The following SHANK1 variants were observed in gnomAD, a reference collection of about 807,000 sequenced individuals.
SHANK1 encodes SH3 and multiple ankyrin repeat domains protein 1.
A neutral mutation model predicts 165.6 loss-of-function variants in SHANK1; 35 were observed. The ratio of observed to expected loss-of-function variants is 0.21; its 90% CI spans 0.16 to 0.28. The LOEUF (loss-of-function observed/expected upper bound fraction) is 0.28, where lower values mean the gene tolerates loss of function less well. Ranked by LOEUF, SHANK1 falls within the 10% of genes least tolerant of loss-of-function variation. SHANK1 has a pLI of 1.00. For synonymous variants in SHANK1, 1,428 were observed against 1,384.8 expected (o/e 1.03, Z -0.69); for missense variants, 2,681 against 3,036.4 (o/e 0.88, Z 2.75).
rs1360295774 is a variant in SHANK1, at chr19:50,668,126, C to A, written c.3834G>T (p.Pro1278=). 1.4e-6 allele frequency: 2 copies of A among 1,475,376 alleles called. No homozygotes were observed. Among genetic ancestry groups the A allele is most frequent in the Non-Finnish European group, 1.8e-6 (2 of 1,119,152 alleles). The allele number at this position is 1,475,376 out of a possible 1,614,324, so 91.4% of individuals were successfully genotyped here. A position where few individuals can be genotyped will look rare whatever the true frequency, so the allele number is the denominator to read the frequency against. Residue 1278 remains proline, a synonymous_variant, in exon 23 of 24, where the codon CCG becomes CCT. Transcript: ENST00000293441. Reference sequence around the variant, plus strand: ...ATTTGGAGTGGCGCAGCCGCGGGCCCGGGGCCGCCCCTGTGCCCAGCCCGC... The same window carrying A: ...ATTTGGAGTGGCGCAGCCGCGGGCCAGGGGCCGCCCCTGTGCCCAGCCCGC... ...GDGGLGTGAA[P]GPRLRHSKSI...
chr19:50,668,008 G>C lies in SHANK1; in HGVS notation c.3952C>G (p.Arg1318Gly), dbSNP rs1403084075. The C allele has an allele frequency of 6.1e-6, 9 of 1,473,980 alleles. No homozygotes were observed. Among genetic ancestry groups the C allele is most frequent in the African/African-American group, 1.5e-5 (1 of 68,122 alleles). 91.3% of individuals were successfully genotyped at this position (1,473,980 alleles called of 1,614,324 possible). ...AGYGGYGAGS[R>G]AYGGGGGSSA... is the part of the protein sequence containing the mutation. ...CTGCCCCCGCCACCCCCGTAGGCTCGGCTACCGGCCCCGTAGCCGCCGTAG... is the reference window on the plus strand; with the variant it reads ...CTGCCCCCGCCACCCCCGTAGGCTCCGCTACCGGCCCCGTAGCCGCCGTAG... The change falls in exon 23 of 24, where the codon CGA becomes GGA. Residue 1318 changes from arginine (R) to glycine (G), a missense_variant. Physicochemically the swap from Arg to Gly is moderately radical, Grantham distance 125. This residue lies in a region of SHANK1 where 1,713 missense variants were observed against 1,630.2 expected (regional missense o/e 1.05). Transcript: ENST00000293441.
chr19:50,682,329 T>C (rs1447065134), intron 21 of SHANK1, among the ~76,000 whole-genome samples: 2 of 152,132 alleles, frequency 1.3e-5, no homozygotes, highest in African/African-American at 4.8e-5. Context: ...GCTGGGATTA[T>C]AGGTGTGTGC....
At position 50,666,520 on chromosome 19, in the gene SHANK1, C is replaced by G. The variant is rs1476281542; in HGVS notation, c.5440G>C (p.Gly1814Arg). The change falls in exon 23 of 24, where the codon GGT (glycine) becomes CGT (arginine). Residue 1814 changes from glycine to arginine, a missense_variant. Transcript: ENST00000293441. ...SGPPTAGVAG[G>R]PVAVEPEVPP... The stretch of plus-strand genomic sequence containing the variant: ...ACTTCTGGCTCTACAGCCACCGGAC[C>G]CCCCGCCACGCCTGCCGTGGGGGGT... The G allele has an allele frequency of 2.5e-6, 4 of 1,585,844 alleles. No individual in the cohort carries two copies. Among genetic ancestry groups the G allele is most frequent in the Non-Finnish European group, 3.4e-6 (4 of 1,169,192 alleles).
intron 12 of SHANK1, among the ~76,000 whole-genome samples, chr19:50,700,864 G>T (rs1986894073): frequency 6.6e-6 from 1 of 152,046 alleles, no homozygotes; most frequent in Non-Finnish European, 1.5e-5. Flanking sequence ...TGAAGGAGCT[G>T]CACCTGGCCC....
rs57450051 is a variant in SHANK1 at position 50,666,578 on chromosome 19, G to T, written c.5382C>A (p.Thr1794=). Residue 1794 remains threonine (T), a synonymous_variant, in exon 23 of 24, where the codon ACC becomes ACA. Coordinates refer to ENST00000293441, the MANE Select transcript of SHANK1 (RefSeq NM_016148.5). The stretch of plus-strand genomic sequence containing the variant: ...AAGCACGCAGGGCCAGCAGCCCATC[G>T]GTTCCAGCCCCTGTCACCGAGACGG... ...SPTVSVTGAG[T]DGLLALRACS... is the part of the protein sequence containing the mutation. 1 of 1,600,010 alleles carries T rather than the reference G, an allele frequency of 6.2e-7. No homozygotes were observed. The highest frequency in any genetic ancestry group is 8.5e-7 in the Non-Finnish European group (1 of 1,175,294).
At chr19:50,712,222 G>A in intron 6 of SHANK1, 108 bp from the exon 7 acceptor site, 1 of 1,160,414 alleles carries the variant, frequency 8.6e-7, no homozygotes, top group Non-Finnish European at 1.2e-6. Context: ...GACCTACAGT[G>A]GCCAATGACA....
intron 8 of SHANK1, 23 bp from the exon 9 acceptor site, chr19:50,704,537 C>G (rs1244262000): frequency 6.2e-7 from 1 of 1,605,452 alleles, no homozygotes; most frequent in East Asian, 2.2e-5. Flanking sequence ...GCCAGTGGCA[C>G]AGGACAAAGA....
intron 19 of SHANK1, chr19:50,687,155 T>C: frequency 1.8e-6 from 1 of 563,930 alleles, no homozygotes; most frequent in Non-Finnish European, 3.0e-6. Context: ...GGCGGTCAGC[T>C]GTCCGACCAG....
Position 50,697,258 on chromosome 19 carries a change from G to T in SHANK1, c.1938-136C>A. 1 of 1,309,030 alleles carries T rather than the reference G, an allele frequency of 7.6e-7. No homozygotes were observed. The highest frequency in any genetic ancestry group is 1.1e-6 in the Non-Finnish European group (1 of 912,962). 81.1% of individuals were successfully genotyped at this position (1,309,030 alleles called of 1,614,324 possible). The stretch of plus-strand genomic sequence containing the variant: ...GGACACACACATTCCCACTGCACAT[G>T]ACTGCACAGAGATGGGGCACATGAA... On this transcript the variant is annotated intron_variant, in intron 14 of 23. Transcript: ENST00000293441. The surrounding 1 kb of genome is among the most constrained non-coding windows in gnomAD (Gnocchi z 4.7).
At chr19:50,711,284 G>T in intron 8 of SHANK1, 87 bp downstream of exon 8, 1 of 776,404 alleles carries the variant, frequency 1.3e-6, no homozygotes, top group African/African-American at 1.7e-5. Flanking sequence ...GTGCAGAGAT[G>T]CAGTCAAGAG....
At position 50,672,136 on chromosome 19, in the gene SHANK1, G is replaced by A. The variant is rs191420139; in HGVS notation, c.2578-22C>T. On this transcript the variant is annotated intron_variant, in intron 21 of 23. Transcript: ENST00000293441. ...TCGACTTTGGAGCGGCAGTCAGAGG[G>A]GGAGAGAGAGAAAAGATAGAGAGAG... 4.3e-5 allele frequency: 68 copies of A among 1,582,410 alleles called. No homozygotes were observed. The Admixed American group carries it at 9.1e-4, about 21-fold the overall frequency.
rs1370983837 is a variant in SHANK1 at position 50,687,338 on chromosome 19, G to T, written c.2389+244C>A. Among the ~76,000 whole-genome samples the T allele has an allele frequency of 2.0e-5, 3 of 152,020 alleles. No homozygotes were observed. In the East Asian group the frequency reaches 5.8e-4, roughly 29 times the overall value. Reference sequence around the variant, plus strand: ...GGAGACAGAGAGACCCGCAGAGAGGGTACATACAGACCCTGAGAGAGACCC... The same window carrying T: ...GGAGACAGAGAGACCCGCAGAGAGGTTACATACAGACCCTGAGAGAGACCC... On this transcript the variant is annotated intron_variant, in intron 19 of 23. Transcript: ENST00000293441.
At position 50,659,610 on chromosome 19, in the gene SHANK1, T is replaced by C. The variant is rs932575521; in HGVS notation, c.*2355A>G. On this transcript the variant is annotated 3_prime_UTR_variant, in exon 24 of 24. Transcript: ENST00000293441. Reference sequence around the variant, plus strand: ...TTCTCGGGCTTTTATTTCAGGTTTTTTTTCTGGATTTTTTTGTGTGTTCTA... The same window carrying C: ...TTCTCGGGCTTTTATTTCAGGTTTTCTTTCTGGATTTTTTTGTGTGTTCTA... 6.8e-6 allele frequency among the ~76,000 whole-genome samples: 1 copy of C among 146,934 alleles called. No homozygotes were observed. The highest frequency in any genetic ancestry group is 2.5e-5 in the African/African-American group (1 of 40,152).
Position 50,686,241 on chromosome 19 carries a change from G to C in SHANK1, c.2573C>G (p.Thr858Ser). The C allele has an allele frequency of 6.3e-7, 1 of 1,592,440 alleles. No homozygotes were observed. Among genetic ancestry groups the C allele is most frequent in the Non-Finnish European group, 8.6e-7 (1 of 1,167,390 alleles). The change falls in exon 21 of 24, where the codon ACT becomes AGT. Residue 858 changes from threonine to serine, a missense_variant. By Grantham distance (58) the Thr-to-Ser change is moderately conservative. Coordinates refer to ENST00000293441, the MANE Select transcript of SHANK1 (RefSeq NM_016148.5). This position sits in a 1 kb window ranked among gnomAD's most constrained non-coding sequence, Gnocchi z 5.7. Reference protein sequence around the residue: ...GKHRPKGFFATESSFDPHHRA... With the variant: ...GKHRPKGFFASESSFDPHHRA... ...TCCCCACACCAGGCCGCCTACCTCAGTGGCAAAGAAACCTTTGGGTCGGTG... is the reference window on the plus strand; with the variant it reads ...TCCCCACACCAGGCCGCCTACCTCACTGGCAAAGAAACCTTTGGGTCGGTG...
intron 21 of SHANK1, among the ~76,000 whole-genome samples, chr19:50,684,081 A>G (rs1986256546): frequency 6.6e-6 from 1 of 152,162 alleles, no homozygotes; most frequent in Non-Finnish European, 1.5e-5. Context: ...TTCCTTCTTA[A>G]AGCTGGTTGT....
In SHANK1 at chr19:50,687,133, C is replaced by T. The variant is rs545281979; in HGVS notation, c.2390-321G>A. On this transcript the variant is annotated intron_variant, in intron 19 of 23. Transcript: ENST00000293441. ...GTCTGGAAGCCCGCCTCCCTCGGGG[C>T]CCCGGGGTGGGGGCGGTCAGCTGTC... 1.3e-4 allele frequency: 101 copies of T among 791,720 alleles called. No homozygotes were observed. The African/African-American group carries it at 1.7e-3, about 14-fold the overall frequency. The allele number at this position is 791,720 out of a possible 1,614,324, so 49.0% of individuals were successfully genotyped here.
chr19:50,707,784 T>C (rs547955420), intron 8 of SHANK1, among the ~76,000 whole-genome samples: 2 of 152,208 alleles, frequency 1.3e-5, no homozygotes, highest in East Asian at 3.9e-4. Context: ...GTTCTGGGTG[T>C]GTTTGGGAGT....
chr19:50,713,690 T>A lies in SHANK1; in HGVS notation c.792+108A>T. Reference sequence around the variant, plus strand: ...GGAAAGGGGCTTTGAACTGGGGACATGAGAGGGCCTATTTTTAACTGAAAC... The same window carrying A: ...GGAAAGGGGCTTTGAACTGGGGACAAGAGAGGGCCTATTTTTAACTGAAAC... On this transcript the variant is annotated intron_variant, in intron 6 of 23. Transcript: ENST00000293441. This position sits in a 1 kb window ranked among gnomAD's most constrained non-coding sequence, Gnocchi z 6.2. 7.1e-7 allele frequency: 1 copy of A among 1,402,896 alleles called. No homozygotes were observed. Among genetic ancestry groups the A allele is most frequent in the Non-Finnish European group, 9.8e-7 (1 of 1,019,380 alleles). 86.9% of individuals were successfully genotyped at this position (1,402,896 alleles called of 1,614,324 possible).
rs1479828310 is a variant in SHANK1, at chr19:50,717,711, C to G, written c.-43-749G>C. On this transcript the variant is annotated intron_variant, in intron 1 of 23. Coordinates refer to ENST00000293441, the MANE Select transcript of SHANK1 (RefSeq NM_016148.5). This position sits in a 1 kb window ranked among gnomAD's most constrained non-coding sequence, Gnocchi z 5.5. Reference sequence around the variant, plus strand: ...GGTGGGGAGGTCGGCCTGGGGAGTGCTGTCCAGGTGACAGTGGTGTGGTGG... The same window carrying G: ...GGTGGGGAGGTCGGCCTGGGGAGTGGTGTCCAGGTGACAGTGGTGTGGTGG... Among the ~76,000 whole-genome samples the G allele has an allele frequency of 6.6e-6, 1 of 151,986 alleles. No homozygotes were observed. The highest frequency in any genetic ancestry group is 1.5e-5 in the Non-Finnish European group (1 of 67,968).
Sources: gnomAD v4.1 joint callset for allele counts (sites outside exome capture counted in the v4.1 genomes callset) on GRCh38, gnomAD v4.1.1 for gene constraint, gnomAD v4.1.1 regional missense constraint, Gnocchi (gnomAD v3.1) non-coding constraint, MANE v1.5 for transcripts, NCBI Gene and HGNC (gene_info 2026-07-23, HGNC 2026-07-21) for gene names.